KLHL21: variants seen among roughly 807,000 people sequenced by gnomAD.
KLHL21 encodes kelch-like protein 21.
A neutral mutation model predicts 44.1 loss-of-function variants in KLHL21; 42 were observed. That is an observed-to-expected ratio of 0.95 (90% confidence interval 0.74 to 1.23). The LOEUF (loss-of-function observed/expected upper bound fraction) is 1.23, where lower values mean the gene tolerates loss of function less well. Among genes scored for constraint, KLHL21 ranks in the 50% most tolerant of loss-of-function variants. The pLI is 0.00. For synonymous variants in KLHL21, 524 were observed against 411.6 expected, an observed-to-expected ratio of 1.27 and a Z score of -3.31; for missense variants, 918 against 889.1, an observed-to-expected ratio of 1.03 and a Z score of -0.41.
At chr1:6,601,244 C>A (rs1641012365) in intron 1 of KLHL21, among the ~76,000 whole-genome samples, 1 of 152,232 alleles carries the variant, frequency 6.6e-6, no homozygotes, top group South Asian at 2.1e-4. Flanking sequence ...AACCTCTTAA[C>A]ATGTGACCAT....
Position 6,599,161 on chromosome 1 carries a change from A to G in KLHL21, c.1313T>C (p.Met438Thr). 2 of 1,614,100 alleles carry G rather than the reference A, an allele frequency of 1.2e-6. No homozygotes were observed. Among genetic ancestry groups the G allele is most frequent in the Non-Finnish European group, 1.7e-6 (2 of 1,180,044 alleles). Residue 438 changes from methionine to threonine, a missense_variant, in exon 2 of 4, where the codon ATG (methionine) becomes ACG (threonine). Met to Thr is a moderately conservative substitution (Grantham distance 81, BLOSUM62 -1). Transcript: ENST00000377658. The stretch of plus-strand genomic sequence containing the variant: ...GTCGGTGTCCGGGTCGTAGCACTGC[A>G]TCACCATGGTCTCCTTGCCAGCCAG... ...GSLAGKETMVMQCYDPDTDLW... is the reference protein window; with the variant it reads ...GSLAGKETMVTQCYDPDTDLW...
rs1433807790 is a variant in KLHL21, at chr1:6,602,128, G to A, written c.690C>T (p.Arg230=). 7.0e-7 allele frequency: 1 copy of A among 1,432,522 alleles called. No individual in the cohort carries two copies. Among genetic ancestry groups the A allele is most frequent in the Non-Finnish European group, 9.1e-7 (1 of 1,101,520 alleles). 88.7% of individuals were successfully genotyped at this position (1,432,522 alleles called of 1,614,324 possible). ...CGACGTGCGCCAACAGGTAGAAGCG[G>A]CGCACGAAGGGCAGGCGCACGGCCT... ...LLEAVRLPFV[R]RFYLLAHVEA... Residue 230 remains arginine (R), a synonymous_variant, in exon 1 of 4, where the codon CGC becomes CGT. Transcript: ENST00000377658.
At chr1:6,595,099 C>T (rs1231023217) in intron 3 of KLHL21, 7 of 473,494 alleles carry the variant, frequency 1.5e-5, no homozygotes, top group African/African-American at 1.0e-4. Flanking sequence ...GCTGACTCTG[C>T]TCCGGCCACA....
In KLHL21 at chr1:6,599,592, C is replaced by T; in HGVS notation, c.1022-140G>A. The T allele has an allele frequency of 7.8e-6, 7 of 893,906 alleles. No homozygotes were observed. In the South Asian group the frequency reaches 1.1e-4, roughly 14 times the overall value. The allele number at this position is 893,906 out of a possible 1,614,324, so 55.4% of individuals were successfully genotyped here. On this transcript the variant is annotated intron_variant, in intron 1 of 3. Transcript: ENST00000377658. ...TCACCCCAGACGCACACCCTCTCCC[C>T]AAAAGCCCAGGCCACATGTTGTGGC...
Position 6,591,507 on chromosome 1 carries a change from G to T in KLHL21, c.*1858C>A, listed in dbSNP as rs998105556. The T allele has an allele frequency of 1.3e-5, 2 of 153,096 alleles. No individual in the cohort carries two copies. The highest frequency in any genetic ancestry group is 1.3e-4 in the Admixed American group (2 of 15,324). The allele number at this position is 153,096 out of a possible 1,614,324, so 9.5% of individuals were successfully genotyped here. A position where few individuals can be genotyped will look rare whatever the true frequency, so the allele number is the denominator to read the frequency against. On this transcript the variant is annotated 3_prime_UTR_variant, in exon 4 of 4. Transcript: ENST00000377658. ...CACAGTCTGGACAGCATGTCCTTCC[G>T]TGGGTGCCCAGCTCAGTGCCTGGAA...
At chr1:6,596,138 G>A (rs1396978584) in intron 2 of KLHL21, among the ~76,000 whole-genome samples, 1 of 152,226 alleles carries the variant, frequency 6.6e-6, no homozygotes, top group Non-Finnish European at 1.5e-5. Context: ...TGTGGCTCAC[G>A]CCTGTAATGC....
At chr1:6,594,004 G>A in intron 3 of KLHL21, 1 of 1,073,000 alleles carries the variant, frequency 9.3e-7, no homozygotes, top group South Asian at 4.4e-5. Flanking sequence ...TTACAGATGG[G>A]AAAACTGAGG....
chr1:6,602,069 C>G lies in KLHL21; in HGVS notation c.749G>C (p.Cys250Ser). Reference protein sequence around the residue: ...AEPLVARCPPCLRLLREARDF... With the variant: ...AEPLVARCPPSLRLLREARDF... ...GCGCGCCTCGCGCAGCAGGCGCAGGCAGGGTGGGCAGCGCGCCACCAGCGG... is the reference window on the plus strand; with the variant it reads ...GCGCGCCTCGCGCAGCAGGCGCAGGGAGGGTGGGCAGCGCGCCACCAGCGG... The change falls in exon 1 of 4, where the codon TGC becomes TCC. Residue 250 changes from cysteine (C) to serine (S), a missense_variant. By Grantham distance (112) the Cys-to-Ser change is moderately radical (BLOSUM62 -1). Coordinates refer to ENST00000377658, the MANE Select transcript of KLHL21 (RefSeq NM_014851.4). 6.7e-7 allele frequency: 1 copy of G among 1,500,858 alleles called. No homozygotes were observed. The highest frequency in any genetic ancestry group is 8.9e-7 in the Non-Finnish European group (1 of 1,128,062). The allele number at this position is 1,500,858 out of a possible 1,614,324, so 93.0% of individuals were successfully genotyped here.
Position 6,591,291 on chromosome 1 carries a change from T to C in KLHL21, c.*2074A>G. Reference sequence around the variant, plus strand: ...AGGACAGACACAGGAGAGGGCACAATCCCAAGCGCAGCTCTCCTGCACTGG... The same window carrying C: ...AGGACAGACACAGGAGAGGGCACAACCCCAAGCGCAGCTCTCCTGCACTGG... On this transcript the variant is annotated 3_prime_UTR_variant, in exon 4 of 4. Transcript: ENST00000377658. 1 of 323,654 alleles carries C rather than the reference T, an allele frequency of 3.1e-6. No homozygotes were observed. The highest frequency in any genetic ancestry group is 5.6e-6 in the Non-Finnish European group (1 of 178,924). The allele number at this position is 323,654 out of a possible 1,614,324, so 20.0% of individuals were successfully genotyped here.
At chr1:6,599,729 C>T (rs951969322) in intron 1 of KLHL21, 2 of 479,620 alleles carry the variant, frequency 4.2e-6, no homozygotes, top group Non-Finnish European at 7.5e-6. Context: ...CCTCTGGACA[C>T]CGCCCCCCAG....
In KLHL21 at chr1:6,602,577, C is replaced by A. The variant is rs552589207; in HGVS notation, c.241G>T (p.Gly81Ter). The change falls in exon 1 of 4, where the codon GGA becomes TGA. Residue 81 changes from glycine to a stop codon, truncating the protein, a stop_gained. Transcript: ENST00000377658. LOFTEE classifies it high-confidence loss of function. ...ESRAERVRLH[G>*]VPPDMLQLLL... is the part of the protein sequence containing the mutation. ...AGCTGCAGCATGTCGGGAGGCACTC[C>A]GTGCAGGCGCACCCGCTCGGCGCGG... 6.5e-6 allele frequency: 10 copies of A among 1,532,410 alleles called. No homozygotes were observed. Among genetic ancestry groups the A allele is most frequent in the Admixed American group, 3.9e-5 (2 of 50,778 alleles). 94.9% of individuals were successfully genotyped at this position (1,532,410 alleles called of 1,614,324 possible). A position where few individuals can be genotyped will look rare whatever the true frequency, so the allele number is the denominator to read the frequency against.
chr1:6,595,615 C>T, intron 2 of KLHL21, 58 bp from the exon 3 acceptor site: 1 of 1,473,338 alleles, frequency 6.8e-7, no homozygotes, highest in East Asian at 2.3e-5. Flanking sequence ...TGCACACATG[C>T]AGGGCTGGAG....
chr1:6,594,660 C>G (rs574085146), intron 3 of KLHL21: 1 of 151,346 alleles, frequency 6.6e-6, no homozygotes, highest in South Asian at 2.1e-4. Context: ...GAGCCGAGAT[C>G]GTGCCACTGC....
intron 3 of KLHL21, chr1:6,594,150 G>A (rs1640892841): frequency 1.1e-6 from 1 of 881,508 alleles, no homozygotes; most frequent in African/African-American, 1.8e-5. Context: ...TAAATGCCAG[G>A]ACATTAAGCT....
At chr1:6,595,682 T>C in intron 2 of KLHL21, 125 bp from the exon 3 acceptor site, 1 of 775,602 alleles carries the variant, frequency 1.3e-6, no homozygotes, top group South Asian at 1.8e-5. Context: ...TCTGATGCCA[T>C]CCAGCAGCAC....
chr1:6,598,544 T>C (rs1009019795), intron 2 of KLHL21, among the ~76,000 whole-genome samples: 5 of 151,134 alleles, frequency 3.3e-5, no homozygotes, highest in African/African-American at 1.2e-4. Flanking sequence ...TACTCCAGCT[T>C]GGGCAACAAA....
At position 6,596,950 on chromosome 1, in the gene KLHL21, G is replaced by T. The variant is rs115937173; in HGVS notation, c.1428-1393C>A. ...CCAAAGACAGGTGGTGTTCTGGGCA[G>T]AGGGTTATGTGGCTCTTGAAGAGCC... is the stretch of plus-strand genomic sequence containing the variant. On this transcript the variant is annotated intron_variant, in intron 2 of 3. Transcript: ENST00000377658. 3.5e-4 allele frequency among the ~76,000 whole-genome samples: 53 copies of T among 152,364 alleles called. 1 individual carries two copies. Among genetic ancestry groups the T allele is most frequent in the African/African-American group, 1.2e-3 (50 of 41,584 alleles).
chr1:6,602,027 C>G lies in KLHL21; in HGVS notation c.791G>C (p.Arg264Pro). Reference protein sequence around the residue: ...LREARDFQAARYDRHDRGPCP... With the variant: ...LREARDFQAAPYDRHDRGPCP... ...GGGCCCGCGGTCGTGGCGGTCGTAG[C>G]GCGCCGCCTGGAAGTCGCGCGCCTC... The change falls in exon 1 of 4, where the codon CGC (arginine) becomes CCC (proline). Residue 264 changes from arginine to proline, a missense_variant. Coordinates refer to ENST00000377658, the MANE Select transcript of KLHL21 (RefSeq NM_014851.4). The G allele has an allele frequency of 6.5e-7, 1 of 1,532,766 alleles. No individual in the cohort carries two copies. The highest frequency in any genetic ancestry group is 8.8e-7 in the Non-Finnish European group (1 of 1,137,548). The allele number at this position is 1,532,766 out of a possible 1,614,324, so 94.9% of individuals were successfully genotyped here. A position where few individuals can be genotyped will look rare whatever the true frequency, so the allele number is the denominator to read the frequency against.
chr1:6,600,464 AC>A (rs1467385291), intron 1 of KLHL21, among the ~76,000 whole-genome samples: 3 of 152,214 alleles, frequency 2.0e-5, no homozygotes, highest in South Asian at 2.1e-4. Flanking sequence ...TGGGGGCTGT[AC>A]CCCTTGGCCT....
Sources: allele counts gnomAD v4.1 joint callset (sites outside exome capture counted in the v4.1 genomes callset), GRCh38; gene constraint gnomAD v4.1.1; transcripts MANE v1.5; gene names NCBI Gene and HGNC (gene_info 2026-07-23, HGNC 2026-07-21).